DENND2B: variants seen among roughly 807,000 people sequenced by gnomAD.
The protein encoded by DENND2B is DENN domain containing 2B, also known as DENN domain-containing protein 2B.
In DENND2B, 32 loss-of-function variants were observed where a neutral mutation model predicts 116.0. The ratio of observed to expected loss-of-function variants is 0.28; its 90% CI spans 0.21 to 0.37. The LOEUF is 0.37. Among genes scored for constraint, DENND2B ranks in the 10% least tolerant of loss-of-function variants. The pLI is 1.00. For missense variants in DENND2B, 1,276 were observed against 1,477.7 expected (o/e 0.86, Z 2.24); for synonymous variants, 588 against 583.9 (o/e 1.01, Z -0.10).
At chr11:8,713,853 CTA>C (rs2133814732) in intron 8 of DENND2B, 143 bp downstream of exon 8, 2 of 824,208 alleles carry the variant, frequency 2.4e-6, no homozygotes, top group East Asian at 4.9e-5. Context: ...GCTCCCTGCT[CTA>C]TTGTTCTGGT....
intron 14 of DENND2B, among the ~76,000 whole-genome samples, chr11:8,701,732 C>T (rs1004441174): frequency 6.6e-6 from 1 of 152,134 alleles, no homozygotes; most frequent in African/African-American, 2.4e-5. Flanking sequence ...TAAACCTTGG[C>T]TGTCTAGAAG....
upstream of DENND2B, among the ~76,000 whole-genome samples, chr11:8,814,272 T>TTC (rs1241750774): frequency 6.7e-6 from 1 of 148,738 alleles, no homozygotes; most frequent in Non-Finnish European, 1.5e-5. Flanking sequence ...ATCACCTTTT[T>TTC]TTTTTTTTTT....
chr11:8,883,155 G>C (rs1490749213), intron 1 of DENND2B, among the ~76,000 whole-genome samples: 1 of 152,108 alleles, frequency 6.6e-6, no homozygotes, highest in African/African-American at 2.4e-5. Context: ...ACAGCTCTTA[G>C]AATACAGAAC....
At chr11:8,895,143 A>C (rs893594498) in intron 1 of DENND2B, among the ~76,000 whole-genome samples, 2 of 152,040 alleles carry the variant, frequency 1.3e-5, no homozygotes, top group Non-Finnish European at 2.9e-5. Context: ...GCAAACTATC[A>C]CAAAGACAAA....
intron 1 of DENND2B, among the ~76,000 whole-genome samples, chr11:8,799,624 G>GCTCAGGCTGTGAATACC (rs2060145158): frequency 6.4e-5 from 9 of 139,754 alleles, no homozygotes; most frequent in African/African-American, 2.1e-4. Flanking sequence ...CTGGAGTGCA[G>GCTCAGGCTGTGAATACC]TGTGTATTCA....
chr11:8,727,000 G>C (rs184522983), intron 3 of DENND2B, among the ~76,000 whole-genome samples: 215 of 152,298 alleles, frequency 1.4e-3, no homozygotes, highest in African/African-American at 4.9e-3. Context: ...CCTCTCTACT[G>C]TATAATTTCA....
intron 1 of DENND2B, among the ~76,000 whole-genome samples, chr11:8,883,335 AAAG>A (rs1197829747): frequency 1.3e-5 from 2 of 152,250 alleles, no homozygotes; most frequent in Admixed American, 1.3e-4. Context: ...AGAGTGAAGA[AAAG>A]AAAGACACTT....
intron 1 of DENND2B, among the ~76,000 whole-genome samples, chr11:8,783,560 A>C (rs2134273864): frequency 6.6e-6 from 1 of 152,350 alleles, no homozygotes; most frequent in South Asian, 2.1e-4. Context: ...AAAGGACAAG[A>C]TACACCACAA....
intron 1 of DENND2B, among the ~76,000 whole-genome samples, chr11:8,770,796 C>T (rs763149109): frequency 2.6e-5 from 4 of 152,112 alleles, no homozygotes; most frequent in African/African-American, 9.7e-5. Context: ...CTAAAATGAT[C>T]CTCCTGCCTC....
intron 2 of DENND2B, among the ~76,000 whole-genome samples, chr11:8,734,267 G>A (rs868229553): frequency 1.3e-5 from 2 of 151,702 alleles, no homozygotes; most frequent in African/African-American, 4.8e-5. Flanking sequence ...TCGCAGGGTT[G>A]TCATATTGAG....
At chr11:8,783,066 T>C (rs113975437) in intron 1 of DENND2B, among the ~76,000 whole-genome samples, 82 of 148,224 alleles carry the variant, frequency 5.5e-4, no homozygotes, top group African/African-American at 9.3e-4. Flanking sequence ...TTTTTTTTTT[T>C]CCCAAAGAGA....
At chr11:8,795,827 C>T (rs2059765965) in intron 1 of DENND2B, among the ~76,000 whole-genome samples, 1 of 152,218 alleles carries the variant, frequency 6.6e-6, no homozygotes, top group Non-Finnish European at 1.5e-5. Flanking sequence ...CCAGCCTCAT[C>T]TTCCAACCCA....
intron 3 of DENND2B, among the ~76,000 whole-genome samples, chr11:8,846,813 A>G (rs2099324150): frequency 6.6e-6 from 1 of 152,216 alleles, no homozygotes; most frequent in African/African-American, 2.4e-5. Context: ...AAACCGCTCC[A>G]TGATCCATTT....
intron 2 of DENND2B, among the ~76,000 whole-genome samples, chr11:8,749,337 C>A (rs2051900944): frequency 6.6e-6 from 1 of 152,218 alleles, no homozygotes. Flanking sequence ...GGTATGCCAC[C>A]AAGCCCAGTC....
At chr11:8,886,523 C>A (rs2063962621) in intron 1 of DENND2B, among the ~76,000 whole-genome samples, 1 of 151,754 alleles carries the variant, frequency 6.6e-6, no homozygotes, top group Non-Finnish European at 1.5e-5. Context: ...AACTGCCTGG[C>A]AGGAAATGCT....
chr11:8,804,451 C>A (rs551305432), intron 1 of DENND2B, among the ~76,000 whole-genome samples: 1 of 151,532 alleles, frequency 6.6e-6, no homozygotes, highest in African/African-American at 2.4e-5. Context: ...ATTAGGAAAT[C>A]TTGTATTATT....
At chr11:8,744,086 T>C (rs1011062298) in intron 2 of DENND2B, among the ~76,000 whole-genome samples, 3 of 152,016 alleles carry the variant, frequency 2.0e-5, no homozygotes, top group African/African-American at 7.2e-5. Context: ...TGTGTGCCTT[T>C]TGCTATTATA....
chr11:8,742,545 A>G (rs1053633617), intron 2 of DENND2B, among the ~76,000 whole-genome samples: 1 of 152,232 alleles, frequency 6.6e-6, no homozygotes, highest in African/African-American at 2.4e-5. Flanking sequence ...AATAGGAAAT[A>G]CAGCTAATAA....
intron 4 of DENND2B, among the ~76,000 whole-genome samples, chr11:8,836,413 C>CTTTTTTTTTTTTTT (rs67181023): frequency 1.3e-5 from 1 of 77,550 alleles, no homozygotes; most frequent in Non-Finnish European, 2.5e-5. Flanking sequence ...TTCTGTACTT[C>CTTTTTTTTTTTTTT]TTTTTTTTTT....
Sources: gnomAD v4.1 joint callset for allele counts (sites outside exome capture counted in the v4.1 genomes callset) on GRCh38, gnomAD v4.1.1 for gene constraint, MANE v1.5 for transcripts, NCBI Gene and HGNC (gene_info 2026-07-23, HGNC 2026-07-21) for gene names.